Variants in DTWD2 observed in about 807,000 individuals in gnomAD.
DTWD2 encodes DTW motif tRNA-uridine aminocarboxypropyltransferase 2.
In DTWD2, 39 loss-of-function variants were observed where a neutral mutation model predicts 31.8. The ratio of observed to expected loss-of-function variants is 1.22; its 90% CI spans 0.95 to 1.60. DTWD2 has a LOEUF of 1.60. DTWD2 is among the 40% of genes most tolerant of loss of function. DTWD2 has a pLI of 0.00. For missense variants in DTWD2, 515 were observed against 381.5 expected (o/e 1.35, Z -2.92); for synonymous variants, 180 against 142.8 (o/e 1.26, Z -1.86).
intron 2 of DTWD2, among the ~76,000 whole-genome samples, chr5:118,942,595 A>C (rs888663859): frequency 2.0e-5 from 3 of 151,802 alleles, no homozygotes; most frequent in Non-Finnish European, 4.4e-5. Context: ...GGATCACTCG[A>C]GGCCAGGAAT....
intron 4 of DTWD2, among the ~76,000 whole-genome samples, chr5:118,906,949 A>C (rs1406663047): frequency 1.3e-5 from 2 of 152,232 alleles, no homozygotes; most frequent in Admixed American, 1.3e-4. Context: ...AAAGGTAATT[A>C]AACACTGAAT....
intron 4 of DTWD2, among the ~76,000 whole-genome samples, chr5:118,905,866 T>A (rs1753317478): frequency 6.6e-6 from 1 of 152,190 alleles, no homozygotes; most frequent in Non-Finnish European, 1.5e-5. Flanking sequence ...TTTAAATTGA[T>A]TAACTGAATT....
chr5:118,899,911 C>T (rs1008711544), intron 4 of DTWD2, among the ~76,000 whole-genome samples: 1 of 151,046 alleles, frequency 6.6e-6, no homozygotes, highest in African/African-American at 2.4e-5. Context: ...AAGCGATTCT[C>T]CTGCTTCAGC....
chr5:118,923,062 A>G (rs1753737867), intron 4 of DTWD2, among the ~76,000 whole-genome samples: 1 of 151,946 alleles, frequency 6.6e-6, no homozygotes, highest in Admixed American at 6.6e-5. Flanking sequence ...AATTTATAAC[A>G]CTGGGAAAAT....
intron 1 of DTWD2, among the ~76,000 whole-genome samples, chr5:118,966,283 A>G (rs971632921): frequency 6.6e-6 from 1 of 152,262 alleles, no homozygotes; most frequent in Non-Finnish European, 1.5e-5. Flanking sequence ...GTTCAAGTTT[A>G]AAAAAGCATT....
chr5:118,853,236 A>C (rs1752053651), intron 4 of DTWD2, among the ~76,000 whole-genome samples: 1 of 152,200 alleles, frequency 6.6e-6, no homozygotes, highest in South Asian at 2.1e-4. Context: ...TGTTTTTTTA[A>C]GTTAAAAAAT....
intron 1 of DTWD2, among the ~76,000 whole-genome samples, chr5:118,975,888 T>G (rs560021119): frequency 6.6e-6 from 1 of 152,306 alleles, no homozygotes; most frequent in South Asian, 2.1e-4. Context: ...CAACAGAATA[T>G]ACATTCTTCT....
rs1443183869 is a variant in DTWD2 at position 118,944,600 on chromosome 5, G to A, written c.268C>T (p.His90Tyr). Residue 90 changes from histidine to tyrosine, a missense_variant, in exon 2 of 6, where the codon CAT becomes TAT. Physicochemically the swap from His to Tyr is moderately conservative, Grantham distance 83. Transcript: ENST00000510708. ...LCPFLPAHPL[H>Y]ISTHLYIIQH... ...ATTATGTACAAGTGGGTAGAGATAT[G>A]CAGAGGGTGCGCTGGGAGAAATGGA... The A allele has an allele frequency of 6.2e-7, 1 of 1,613,614 alleles. No individual in the cohort carries two copies. Among genetic ancestry groups the A allele is most frequent in the Admixed American group, 1.7e-5 (1 of 60,018 alleles).
intron 1 of DTWD2, among the ~76,000 whole-genome samples, chr5:118,964,585 G>A (rs572694257): frequency 6.0e-4 from 92 of 152,336 alleles, no homozygotes; most frequent in Middle Eastern, 3.4e-3. Flanking sequence ...GATTGCAGGC[G>A]CGTGCCGCCA....
At chr5:118,973,975 G>A (rs1755063183) in intron 1 of DTWD2, 1 of 1,581,466 alleles carries the variant, frequency 6.3e-7, no homozygotes, top group Non-Finnish European at 8.7e-7. Context: ...AAGAAGGTGG[G>A]GAGGAAGAGG....
intron 1 of DTWD2, among the ~76,000 whole-genome samples, chr5:118,980,257 G>C (rs1363485678): frequency 1.3e-5 from 2 of 152,182 alleles, no homozygotes; most frequent in Non-Finnish European, 2.9e-5. Flanking sequence ...CTAAGTTCAA[G>C]GTCCTTCAGC....
At chr5:118,928,959 A>G (rs188091217) in intron 3 of DTWD2, among the ~76,000 whole-genome samples, 4 of 152,272 alleles carry the variant, frequency 2.6e-5, no homozygotes, top group Non-Finnish European at 4.4e-5. Flanking sequence ...AATCCTCACT[A>G]TTCTTCTCTA....
chr5:118,957,229 T>TC (rs1754606934), intron 1 of DTWD2, among the ~76,000 whole-genome samples: 2 of 152,114 alleles, frequency 1.3e-5, no homozygotes, highest in Admixed American at 6.5e-5. Flanking sequence ...TGTTGTGATT[T>TC]TTTTTTTTCT....
At chr5:118,841,248 A>G (rs956632309) in intron 5 of DTWD2, among the ~76,000 whole-genome samples, 161 bp from the exon 6 acceptor site, 1 of 152,216 alleles carries the variant, frequency 6.6e-6, no homozygotes, top group African/African-American at 2.4e-5. Flanking sequence ...AATTATTTCT[A>G]GATAAATAAT....
chr5:118,965,037 CACCTCT>C, intron 1 of DTWD2, among the ~76,000 whole-genome samples: 1 of 151,274 alleles, frequency 6.6e-6, no homozygotes, highest in Non-Finnish European at 1.5e-5. Context: ...ATGTGGGGAG[CACCTCT>C]GCCCCGCCGC....
chr5:118,877,486 TA>T (rs920401592), intron 4 of DTWD2, among the ~76,000 whole-genome samples: 4 of 149,482 alleles, frequency 2.7e-5, no homozygotes, highest in African/African-American at 9.8e-5. Context: ...ATAAAAAAAA[TA>T]AAAAAAATAA....
chr5:118,911,927 G>C (rs1260515490), intron 4 of DTWD2, among the ~76,000 whole-genome samples: 1 of 152,188 alleles, frequency 6.6e-6, no homozygotes, highest in Non-Finnish European at 1.5e-5. Context: ...ACCACACAAA[G>C]TACCAAAACA....
At chr5:118,886,388 T>C (rs1752868488) in intron 4 of DTWD2, among the ~76,000 whole-genome samples, 2 of 152,144 alleles carry the variant, frequency 1.3e-5, no homozygotes, top group African/African-American at 4.8e-5. Context: ...TAAATCCCTG[T>C]GAAGGAATAT....
chr5:118,928,077 TGAA>T (rs1315172164), intron 4 of DTWD2, among the ~76,000 whole-genome samples: 6 of 152,010 alleles, frequency 3.9e-5, no homozygotes, highest in African/African-American at 1.4e-4. Flanking sequence ...ATCAAAAAAC[TGAA>T]GAATAAACCA....
Sources: allele counts gnomAD v4.1 joint callset (sites outside exome capture counted in the v4.1 genomes callset), GRCh38; gene constraint gnomAD v4.1.1; transcripts MANE v1.5; gene names NCBI Gene and HGNC (gene_info 2026-07-23, HGNC 2026-07-21).